SLC9A9: variants seen among roughly 807,000 people sequenced by gnomAD.
The protein encoded by SLC9A9 is solute carrier family 9 member A9.
SLC9A9 carries 62 observed loss-of-function variants against 77.8 expected under a neutral mutation model. The observed-to-expected ratio is 0.80, with a 90% CI of 0.65 to 0.98. The LOEUF (loss-of-function observed/expected upper bound fraction) is 0.98. Ranked by LOEUF, SLC9A9 falls within the 50% of genes least tolerant of loss-of-function variation. SLC9A9 has a pLI of 0.00. For synonymous variants in SLC9A9, 320 were observed against 283.5 expected, an observed-to-expected ratio of 1.13 and a Z score of -1.29; for missense variants, 775 against 774.9, an observed-to-expected ratio of 1.00 and a Z score of 0.00.
In SLC9A9 at chr3:143,711,034, T is replaced by C. The variant is rs75908812; in HGVS notation, c.534-17727A>G. On this transcript the variant is annotated intron_variant, in intron 4 of 15. Coordinates refer to ENST00000316549, the MANE Select transcript of SLC9A9 (RefSeq NM_173653.4). Reference sequence around the variant, plus strand: ...GTTACACTATTTACTCTTTGATTGATGGTTTTAAAATATGTTATTATTAGT... The same window carrying C: ...GTTACACTATTTACTCTTTGATTGACGGTTTTAAAATATGTTATTATTAGT... 6.0e-3 allele frequency among the ~76,000 whole-genome samples: 913 copies of C among 152,376 alleles called. 13 individuals carry two copies. The highest frequency in any genetic ancestry group is 0.021 in the African/African-American group (862 of 41,590).
intron 4 of SLC9A9, among the ~76,000 whole-genome samples, chr3:143,701,697 G>A (rs1443134979): frequency 6.6e-6 from 1 of 152,142 alleles, no homozygotes; most frequent in African/African-American, 2.4e-5. Context: ...AAATTTAAGA[G>A]TTATTGGCCT....
chr3:143,847,861 A>G (rs1341058328), intron 1 of SLC9A9: 4 of 465,668 alleles, frequency 8.6e-6, no homozygotes, highest in South Asian at 4.6e-5. Context: ...AAAAACAAAC[A>G]GCTCGCCCTC....
At chr3:143,592,331 G>T (rs1389558762) in intron 6 of SLC9A9, among the ~76,000 whole-genome samples, 1 of 152,220 alleles carries the variant, frequency 6.6e-6, no homozygotes, top group Non-Finnish European at 1.5e-5. Context: ...GTTCAAGGCT[G>T]CAGTGAGCCA....
intron 4 of SLC9A9, among the ~76,000 whole-genome samples, chr3:143,715,356 C>T (rs1934312780): frequency 6.6e-6 from 1 of 152,066 alleles, no homozygotes; most frequent in Non-Finnish European, 1.5e-5. Flanking sequence ...AATGGTATTT[C>T]ACTCTTACTA....
intron 5 of SLC9A9, among the ~76,000 whole-genome samples, chr3:143,682,292 T>C (rs867434456): frequency 6.6e-6 from 1 of 152,182 alleles, no homozygotes; most frequent in African/African-American, 2.4e-5. Flanking sequence ...AGTTTTGAAA[T>C]GACTCTCCTA....
intron 6 of SLC9A9, among the ~76,000 whole-genome samples, chr3:143,632,197 G>A (rs945374538): frequency 3.3e-5 from 5 of 152,160 alleles, no homozygotes; most frequent in Non-Finnish European, 7.4e-5. Flanking sequence ...GTGTTTGCCC[G>A]AAAGGTAGAA....
At chr3:143,747,606 G>A (rs1399013867) in intron 4 of SLC9A9, among the ~76,000 whole-genome samples, 1 of 152,128 alleles carries the variant, frequency 6.6e-6, no homozygotes, top group African/African-American at 2.4e-5. Flanking sequence ...TAAGGATGTT[G>A]GCTTTGAAGA....
chr3:143,580,393 C>G (rs1559978046), intron 6 of SLC9A9, among the ~76,000 whole-genome samples: 2 of 152,186 alleles, frequency 1.3e-5, no homozygotes. Context: ...ATAGAACAAG[C>G]ACGGCTTTAT....
intron 4 of SLC9A9, among the ~76,000 whole-genome samples, chr3:143,694,525 A>G (rs1933570841): frequency 6.6e-6 from 1 of 152,168 alleles, no homozygotes; most frequent in African/African-American, 2.4e-5. Context: ...GGTAACATTT[A>G]CTTACCATTT....
intron 2 of SLC9A9, among the ~76,000 whole-genome samples, chr3:143,812,315 C>A (rs1023684873): frequency 7.9e-5 from 12 of 152,204 alleles, no homozygotes; most frequent in Middle Eastern, 3.4e-3. Flanking sequence ...GTATTTATTG[C>A]AGATGAAATA....
intron 14 of SLC9A9, among the ~76,000 whole-genome samples, chr3:143,298,803 G>A (rs1330220459): frequency 6.6e-6 from 1 of 152,160 alleles, no homozygotes; most frequent in Non-Finnish European, 1.5e-5. Context: ...CTTGCTCTGG[G>A]ATTTCTGGAA....
At chr3:143,494,937 AT>A (rs1394988646) in intron 10 of SLC9A9, among the ~76,000 whole-genome samples, 1 of 152,228 alleles carries the variant, frequency 6.6e-6, no homozygotes, top group Non-Finnish European at 1.5e-5. Context: ...CAATGAAAAC[AT>A]TTCCAAAGCT....
At chr3:143,282,742 T>TCC (rs1938261050) in intron 14 of SLC9A9, among the ~76,000 whole-genome samples, 1 of 152,218 alleles carries the variant, frequency 6.6e-6, no homozygotes, top group African/African-American at 2.4e-5. Context: ...AAGATAGGAC[T>TCC]GTGGTGGCAT....
intron 14 of SLC9A9, among the ~76,000 whole-genome samples, chr3:143,306,221 T>C (rs1168985069): frequency 6.6e-6 from 1 of 152,198 alleles, no homozygotes; most frequent in Non-Finnish European, 1.5e-5. Flanking sequence ...CAGAGGTTTG[T>C]TGGCAGAAGG....
At chr3:143,429,654 C>A (rs772618359) in intron 12 of SLC9A9, among the ~76,000 whole-genome samples, 5 of 152,224 alleles carry the variant, frequency 3.3e-5, no homozygotes, top group Non-Finnish European at 7.3e-5. Context: ...CATCACTCTG[C>A]ACATCAGATA....
chr3:143,680,928 T>C (rs80206120), intron 5 of SLC9A9, among the ~76,000 whole-genome samples: 6,975 of 152,160 alleles, frequency 0.046, 206 homozygotes, highest in East Asian at 0.12. Flanking sequence ...CCAGAAGATA[T>C]CAGAGGAGGG....
intron 11 of SLC9A9, among the ~76,000 whole-genome samples, chr3:143,471,943 T>C (rs2035384807): frequency 6.6e-6 from 1 of 152,242 alleles, no homozygotes. Context: ...CAAGCACTCG[T>C]GCTGCAGAAA....
At chr3:143,635,648 G>T (rs975987454) in intron 6 of SLC9A9, among the ~76,000 whole-genome samples, 13 of 152,186 alleles carry the variant, frequency 8.5e-5, no homozygotes, top group African/African-American at 2.7e-4. Context: ...GTGTCAGCAT[G>T]ATTTCTATTT....
intron 2 of SLC9A9, among the ~76,000 whole-genome samples, chr3:143,815,933 A>C (rs1467194576): frequency 2.0e-5 from 3 of 152,230 alleles, no homozygotes; most frequent in Non-Finnish European, 4.4e-5. Context: ...TCCTCCAGAG[A>C]GATCGAGAGA....
Sources: gnomAD v4.1 joint callset for allele counts (sites outside exome capture counted in the v4.1 genomes callset) on GRCh38, gnomAD v4.1.1 for gene constraint, MANE v1.5 for transcripts, NCBI Gene and HGNC (gene_info 2026-07-23, HGNC 2026-07-21) for gene names.